Variants in MID1 observed in about 807,000 individuals in gnomAD.
MID1 encodes midline 1, also known as E3 ubiquitin-protein ligase Midline-1.
MID1 carries 7 observed loss-of-function variants against 40.4 expected under a neutral mutation model. The observed-to-expected ratio is 0.17, with a 90% CI of 0.10 to 0.33. MID1 has a LOEUF of 0.33. Among genes scored for constraint, MID1 ranks in the 10% least tolerant of loss-of-function variants. The pLI, the probability that MID1 is intolerant of heterozygous loss-of-function variation, is 1.00. For synonymous variants in MID1, 229 were observed against 221.2 expected (o/e 1.04, Z -0.31); for missense variants, 367 against 558.5 (o/e 0.66, Z 3.46).
chrX:10,738,163 A>G (rs1003732554), intron 1 of MID1, among the ~76,000 whole-genome samples: 4 of 112,144 alleles, frequency 3.6e-5, no homozygotes, highest in Non-Finnish European at 7.5e-5. Context: ...TGATCTCTGC[A>G]CAAGGGCCCT....
intron 3 of MID1, chrX:10,505,880 T>G (rs1433273503): frequency 1.3e-6 from 1 of 751,751 alleles, no homozygotes; most frequent in Non-Finnish European, 1.6e-6. Context: ...GTTGGACCCC[T>G]TTTTGGGTTT....
At chrX:10,703,937 C>T (rs2043209169) in intron 1 of MID1, among the ~76,000 whole-genome samples, 1 of 112,129 alleles carries the variant, frequency 8.9e-6, no homozygotes, top group African/African-American at 3.2e-5. Flanking sequence ...GTTTCATCTC[C>T]AGTGTCTGAT....
At chrX:10,728,227 C>T (rs1224765079) in intron 1 of MID1, among the ~76,000 whole-genome samples, 3 of 110,955 alleles carry the variant, frequency 2.7e-5, no homozygotes, top group African/African-American at 9.9e-5. Context: ...CAATATGGCA[C>T]CTACAAGAGT....
At chrX:10,635,723 T>C (rs1343106888) in intron 1 of MID1, among the ~76,000 whole-genome samples, 1 of 112,433 alleles carries the variant, frequency 8.9e-6, no homozygotes, top group Non-Finnish European at 1.9e-5. Flanking sequence ...TAATTTAGTA[T>C]TTGCCATGGC....
chrX:10,790,096 G>A (rs1333626266), intron 1 of MID1, among the ~76,000 whole-genome samples: 2 of 110,836 alleles, frequency 1.8e-5, no homozygotes, highest in Non-Finnish European at 3.8e-5. Flanking sequence ...AAACTCTTAT[G>A]TTTCGTATCA....
intron 1 of MID1, among the ~76,000 whole-genome samples, chrX:10,670,973 A>G (rs1002017312): frequency 8.9e-6 from 1 of 111,978 alleles, no homozygotes; most frequent in Admixed American, 9.5e-5. Context: ...CAGTGTGGTT[A>G]TAAATTCTTA....
intron 1 of MID1, among the ~76,000 whole-genome samples, chrX:10,699,446 C>T (rs2043181353): frequency 8.9e-6 from 1 of 112,043 alleles, no homozygotes; most frequent in African/African-American, 3.2e-5. Flanking sequence ...AAGGAGTTGT[C>T]CTTTTGAGAA....
intron 1 of MID1, among the ~76,000 whole-genome samples, chrX:10,697,154 T>G (rs1479064142): frequency 8.9e-6 from 1 of 111,778 alleles, no homozygotes; most frequent in Non-Finnish European, 1.9e-5. Flanking sequence ...CAGGTGGTTT[T>G]GCTTTTTAGT....
At chrX:10,666,056 A>T (rs2042948237) in intron 1 of MID1, among the ~76,000 whole-genome samples, 1 of 108,488 alleles carries the variant, frequency 9.2e-6, no homozygotes, top group South Asian at 4.1e-4. Flanking sequence ...GAAAGTGTTG[A>T]GTGAAAACGC....
chrX:10,528,307 T>C (rs1173041918), intron 2 of MID1, among the ~76,000 whole-genome samples: 1 of 112,058 alleles, frequency 8.9e-6, no homozygotes, highest in East Asian at 2.8e-4. Flanking sequence ...AGATATTTTA[T>C]ATTTTGTTCT....
At chrX:10,535,627 C>T (rs1395691698) in intron 2 of MID1, among the ~76,000 whole-genome samples, 1 of 111,856 alleles carries the variant, frequency 8.9e-6, no homozygotes, top group African/African-American at 3.3e-5. Context: ...ACTGAATGGT[C>T]ACCTCAATTT....
chrX:10,495,842 A>G, intron 3 of MID1, 151 bp from the exon 4 acceptor site: 1 of 482,830 alleles, frequency 2.1e-6, no homozygotes, highest in Non-Finnish European at 3.6e-6. Flanking sequence ...TTGCAAATAT[A>G]GGACTTACAT....
At chrX:10,579,219 T>C (rs1474861028) in intron 1 of MID1, among the ~76,000 whole-genome samples, 4 of 111,950 alleles carry the variant, frequency 3.6e-5, no homozygotes, top group African/African-American at 1.3e-4. Context: ...ATGAGCAAAA[T>C]GACGCAAGTG....
At chrX:10,793,383 GA>G (rs1224572889) in intron 1 of MID1, among the ~76,000 whole-genome samples, 5 of 112,449 alleles carry the variant, frequency 4.4e-5, no homozygotes, top group African/African-American at 1.6e-4. Context: ...ATCTCACGTG[GA>G]TGGTGCTTCT....
chrX:10,623,083 C>CAAAAAAAAAAA (rs763054366), upstream of MID1, among the ~76,000 whole-genome samples: 205 of 32,497 alleles, frequency 6.3e-3, 7 homozygotes, highest in African/African-American at 0.019. Context: ...GCTGTCTCTA[C>CAAAAAAAAAAA]AAAAAAAAAA....
At chrX:10,650,180 T>A (rs1936302190) in intron 1 of MID1, among the ~76,000 whole-genome samples, 1 of 111,661 alleles carries the variant, frequency 9.0e-6, no homozygotes, top group Admixed American at 9.5e-5. Flanking sequence ...GTCACTTATC[T>A]CTAGCTTGAT....
At chrX:10,599,929 T>C (rs774213996) in intron 1 of MID1, among the ~76,000 whole-genome samples, 35 of 112,361 alleles carry the variant, frequency 3.1e-4, no homozygotes, top group African/African-American at 1.1e-3. Context: ...ATTAGAATGC[T>C]GTATCCATTG....
At chrX:10,754,966 G>A (rs2043623304) in intron 1 of MID1, among the ~76,000 whole-genome samples, 1 of 112,048 alleles carries the variant, frequency 8.9e-6, no homozygotes, top group African/African-American at 3.2e-5. Flanking sequence ...TCTAAGATAT[G>A]TGATTTTTAC....
intron 2 of MID1, among the ~76,000 whole-genome samples, chrX:10,549,585 C>T (rs761926016): frequency 3.5e-5 from 4 of 113,647 alleles, no homozygotes; most frequent in African/African-American, 6.4e-5. Context: ...TAGTCCTTTA[C>T]GGTGTTTGCT....
Sources: gnomAD v4.1 joint callset for allele counts (sites outside exome capture counted in the v4.1 genomes callset) on GRCh38, gnomAD v4.1.1 for gene constraint, MANE v1.5 for transcripts, NCBI Gene and HGNC (gene_info 2026-07-23, HGNC 2026-07-21) for gene names.